Variants in MSRA observed in about 807,000 individuals in gnomAD.
MSRA encodes the protein methionine sulfoxide reductase A.
MSRA carries 54 observed loss-of-function variants against 31.3 expected under a neutral mutation model. The observed-to-expected ratio is 1.73, with a 90% CI of 1.39 to 2.17. The LOEUF is 2.17. Ranked by LOEUF, MSRA falls within the 30% of genes most tolerant of loss-of-function variation. The probability of loss-of-function intolerance (pLI) is 0.00; values close to 1 mark genes in which losing one functional copy is unlikely to be tolerated. For missense variants in MSRA, 507 were observed against 300.9 expected, an observed-to-expected ratio of 1.69 and a Z score of -5.07; for synonymous variants, 169 against 116.5, an observed-to-expected ratio of 1.45 and a Z score of -2.90.
chr8:10,184,192 G>A (rs937906191), intron 1 of MSRA, among the ~76,000 whole-genome samples: 2 of 151,960 alleles, frequency 1.3e-5, no homozygotes, highest in African/African-American at 4.8e-5. Context: ...GTTGGTGGAG[G>A]TGGTGTTGTT....
chr8:10,324,225 C>A (rs539215934), intron 5 of MSRA, among the ~76,000 whole-genome samples: 118 of 152,260 alleles, frequency 7.7e-4, no homozygotes, highest in African/African-American at 2.7e-3. Context: ...GACTGAGGAA[C>A]TGAATCTTTT....
At chr8:10,213,963 C>G (rs1229525614) in intron 2 of MSRA, among the ~76,000 whole-genome samples, 1 of 151,972 alleles carries the variant, frequency 6.6e-6, no homozygotes, top group Non-Finnish European at 1.5e-5. Context: ...AAATTGATAC[C>G]AAGCAGCAAC....
chr8:10,173,657 C>T (rs931902091), intron 1 of MSRA, among the ~76,000 whole-genome samples: 2 of 152,192 alleles, frequency 1.3e-5, no homozygotes, highest in African/African-American at 4.8e-5. Context: ...CTTTTCCGGG[C>T]TTGCAGCCAG....
chr8:10,125,620 G>A (rs948382157), intron 1 of MSRA, among the ~76,000 whole-genome samples: 6 of 152,154 alleles, frequency 3.9e-5, no homozygotes, highest in African/African-American at 1.2e-4. Flanking sequence ...CAGGTATAGC[G>A]GGAACCACTG....
chr8:10,181,360 G>C (rs1385517954), intron 1 of MSRA, among the ~76,000 whole-genome samples: 2 of 151,470 alleles, frequency 1.3e-5, no homozygotes, highest in African/African-American at 4.9e-5. Context: ...GTGGGGGTAA[G>C]AATCTTGAGA....
At chr8:10,205,885 G>A (rs533098032) in intron 1 of MSRA, among the ~76,000 whole-genome samples, 3 of 152,178 alleles carry the variant, frequency 2.0e-5, no homozygotes, top group African/African-American at 4.8e-5. Context: ...CTCTCTCAAG[G>A]CTGCATTTAA....
At chr8:10,310,422 T>C (rs1054519318) in intron 4 of MSRA, among the ~76,000 whole-genome samples, 1 of 152,260 alleles carries the variant, frequency 6.6e-6, no homozygotes, top group African/African-American at 2.4e-5. Flanking sequence ...CATAGTATCT[T>C]TGCTGTTTGC....
intron 2 of MSRA, among the ~76,000 whole-genome samples, chr8:10,235,818 T>TTTTCTGAGCCAACCA: frequency 6.6e-6 from 1 of 152,172 alleles, no homozygotes; most frequent in African/African-American, 2.4e-5. Context: ...CTGAGGCCAG[T>TTTTCTGAGCCAACCA]ATAACCTTGA....
intron 5 of MSRA, among the ~76,000 whole-genome samples, chr8:10,353,442 T>C (rs1420257479): frequency 1.3e-5 from 2 of 151,482 alleles, no homozygotes; most frequent in Non-Finnish European, 2.9e-5. Context: ...TCCTTGGAGG[T>C]TCCTCCCACT....
chr8:10,163,987 AC>A (rs1804896684), intron 1 of MSRA, among the ~76,000 whole-genome samples: 1 of 152,134 alleles, frequency 6.6e-6, no homozygotes, highest in South Asian at 2.1e-4. Context: ...TGTTGGGCCC[AC>A]CCCTGGAAAT....
At chr8:10,363,112 C>A (rs1314528994) in intron 5 of MSRA, among the ~76,000 whole-genome samples, 1 of 152,174 alleles carries the variant, frequency 6.6e-6, no homozygotes, top group Non-Finnish European at 1.5e-5. Flanking sequence ...CAGAAATGTC[C>A]ACTCTTCTAG....
At chr8:10,270,407 G>GA (rs58968857) in intron 3 of MSRA, among the ~76,000 whole-genome samples, 125 of 145,600 alleles carry the variant, frequency 8.6e-4, no homozygotes, top group Non-Finnish European at 1.1e-3. Context: ...GAAGCATACT[G>GA]AAAAAAAAAA....
At chr8:10,095,207 AG>A (rs1799072009) in intron 1 of MSRA, among the ~76,000 whole-genome samples, 3 of 152,240 alleles carry the variant, frequency 2.0e-5, no homozygotes, top group Admixed American at 2.0e-4. Context: ...CTCTTCTCAC[AG>A]GAGAAATTTG....
At chr8:10,138,926 G>C (rs1257248943) in intron 1 of MSRA, among the ~76,000 whole-genome samples, 1 of 152,198 alleles carries the variant, frequency 6.6e-6, no homozygotes, top group Non-Finnish European at 1.5e-5. Flanking sequence ...TGGCCCTAGA[G>C]CTCCTTGTCC....
At chr8:10,210,604 A>T (rs1198425364) in intron 2 of MSRA, among the ~76,000 whole-genome samples, 1 of 152,232 alleles carries the variant, frequency 6.6e-6, no homozygotes, top group Non-Finnish European at 1.5e-5. Context: ...ATTAATGCAC[A>T]GGAGGATGTC....
chr8:10,168,796 G>A (rs1043282932), intron 1 of MSRA, among the ~76,000 whole-genome samples: 1 of 152,160 alleles, frequency 6.6e-6, no homozygotes, highest in Non-Finnish European at 1.5e-5. Context: ...CCCAAAAACT[G>A]ACCATGTAGG....
At chr8:10,167,927 G>T (rs780290568) in intron 1 of MSRA, among the ~76,000 whole-genome samples, 1 of 152,168 alleles carries the variant, frequency 6.6e-6, no homozygotes, top group Non-Finnish European at 1.5e-5. Flanking sequence ...AAAATGGACC[G>T]CGGAAGAGAG....
intron 1 of MSRA, among the ~76,000 whole-genome samples, chr8:10,165,201 C>G (rs10094768): frequency 1.3e-5 from 2 of 152,166 alleles, no homozygotes; most frequent in Non-Finnish European, 2.9e-5. Flanking sequence ...TTGCTTTATA[C>G]GTTTTGAGCT....
intron 5 of MSRA, among the ~76,000 whole-genome samples, chr8:10,407,807 A>C (rs866642756): frequency 6.6e-6 from 1 of 152,160 alleles, no homozygotes; most frequent in African/African-American, 2.4e-5. Context: ...ATTTTAATCA[A>C]AATTCTTGCT....
Sources: gnomAD v4.1 joint callset for allele counts (sites outside exome capture counted in the v4.1 genomes callset) on GRCh38, gnomAD v4.1.1 for gene constraint, MANE v1.5 for transcripts, NCBI Gene and HGNC (gene_info 2026-07-23, HGNC 2026-07-21) for gene names.